Variants in RYR2 observed in about 807,000 individuals in gnomAD.
The protein encoded by RYR2 is cardiac muscle ryanodine receptor-calcium release channel.
In RYR2, 227 loss-of-function variants were observed where a neutral mutation model predicts 601.1. That is an observed-to-expected ratio of 0.38 (90% CI 0.34 to 0.42). RYR2 has a LOEUF of 0.42. RYR2 is among the 10% of genes least tolerant of loss of function. The pLI is 1.00. For missense variants in RYR2, 4,646 were observed against 6,156.5 expected (o/e 0.75, Z 8.21); for synonymous variants, 2,223 against 2,175.1 (o/e 1.02, Z -0.61).
Position 237,674,228 on chromosome 1 carries a change from A to G in RYR2, c.8714+9A>G, listed in dbSNP as rs541149328. The G allele has an allele frequency of 1.2e-6, 2 of 1,602,584 alleles. No individual in the cohort carries two copies. Among genetic ancestry groups the G allele is most frequent in the Non-Finnish European group, 1.7e-6 (2 of 1,170,136 alleles). ...GGATATGCTGTATCCAGGTAAAAGT[A>G]CACATACCCTAAGTACACACTCTTT... On this transcript the variant is annotated intron_variant, in intron 59 of 104. Coordinates refer to ENST00000366574, the MANE Select transcript of RYR2 (RefSeq NM_001035.3).
chr1:237,397,687 T>C (rs1007883539), intron 10 of RYR2, among the ~76,000 whole-genome samples: 1 of 152,038 alleles, frequency 6.6e-6, no homozygotes, highest in Non-Finnish European at 1.5e-5. Context: ...TTAACACTTG[T>C]ATGGCCTGGC....
At chr1:237,234,077 A>C (rs892072097) in intron 1 of RYR2, among the ~76,000 whole-genome samples, 3 of 152,208 alleles carry the variant, frequency 2.0e-5, no homozygotes, top group African/African-American at 7.2e-5. Flanking sequence ...AGACATATAC[A>C]TGAAATACTG....
Position 237,602,065 on chromosome 1 carries a change from A to G in RYR2, c.4637A>G (p.Gln1546Arg). 6.2e-7 allele frequency: 1 copy of G among 1,613,204 alleles called. No individual in the cohort carries two copies. The highest frequency in any genetic ancestry group is 2.2e-5 in the East Asian group (1 of 44,756). The change falls in exon 35 of 105, where the codon CAA becomes CGA. Residue 1546 changes from glutamine (Q) to arginine (R), a missense_variant. Physicochemically the swap from Gln to Arg is conservative, Grantham distance 43 (BLOSUM62 1). Coordinates refer to ENST00000366574, the MANE Select transcript of RYR2 (RefSeq NM_001035.3). ...AAATTATTTCCTGCGGTTTTTGCAC[A>G]AGCTACAAGTCCCAATGTTTTCCAG... ...STKLFPAVFA[Q>R]ATSPNVFQFE...
At chr1:237,696,928 A>T in intron 63 of RYR2, among the ~76,000 whole-genome samples, 1 of 152,074 alleles carries the variant, frequency 6.6e-6, no homozygotes, top group East Asian at 1.9e-4. Context: ...CTCTTCCAGA[A>T]TTTCCCACAT....
chr1:237,802,965 C>T (rs995872854), intron 98 of RYR2, among the ~76,000 whole-genome samples: 2 of 152,218 alleles, frequency 1.3e-5, no homozygotes, highest in Admixed American at 1.3e-4. Flanking sequence ...TATCCACCTG[C>T]AGTTTCATGG....
chr1:237,537,563 C>T (rs1010851742), intron 25 of RYR2, among the ~76,000 whole-genome samples: 2 of 152,184 alleles, frequency 1.3e-5, no homozygotes, highest in African/African-American at 4.8e-5. Context: ...GATCCGCCTG[C>T]CTTGGCCTCC....
intron 98 of RYR2, 85 bp from the exon 99 acceptor site, chr1:237,806,052 T>A: frequency 8.3e-7 from 1 of 1,203,280 alleles, no homozygotes. Flanking sequence ...TAACTTTCTG[T>A]TCCTGGCTTA....
At chr1:237,299,127 C>CTTTTTT (rs3086046) in intron 2 of RYR2, among the ~76,000 whole-genome samples, 31,050 of 144,840 alleles carry the variant, frequency 0.21, 3,837 homozygotes, top group South Asian at 0.31. Flanking sequence ...TTCCTAGAGT[C>CTTTTTT]TTTTTTTTTT....
intron 54 of RYR2, among the ~76,000 whole-genome samples, chr1:237,658,254 A>G (rs953950886): frequency 6.6e-6 from 1 of 152,180 alleles, no homozygotes; most frequent in South Asian, 2.1e-4. Context: ...CAAAAGATCT[A>G]TTCATTAAAT....
chr1:237,702,176 C>A (rs752132113), intron 66 of RYR2, 117 bp downstream of exon 66: 187 of 618,288 alleles, frequency 3.0e-4, no homozygotes, highest in Non-Finnish European at 6.3e-5. Flanking sequence ...ACCGGATTGA[C>A]CTTTGAAATT....
At chr1:237,497,036 A>G (rs1314808594) in intron 20 of RYR2, among the ~76,000 whole-genome samples, 1 of 152,236 alleles carries the variant, frequency 6.6e-6, no homozygotes, top group African/African-American at 2.4e-5. Flanking sequence ...CTTAGGAACA[A>G]TACTGTGTAT....
At chr1:237,553,994 T>C (rs1218300182) in intron 27 of RYR2, among the ~76,000 whole-genome samples, 1 of 151,996 alleles carries the variant, frequency 6.6e-6, no homozygotes, top group Non-Finnish European at 1.5e-5. Context: ...ACAATTGGTA[T>C]AGCTTTTTTG....
In RYR2 at chr1:237,333,493, TCCTGGAGGACC is replaced by T; in HGVS notation, c.273+2517_273+2527del. 1.2e-5 allele frequency: 5 copies of T among 402,480 alleles called. No homozygotes were observed. In the Admixed American group the frequency reaches 1.5e-4, roughly 12 times the overall value. 24.9% of individuals were successfully genotyped at this position (402,480 alleles called of 1,614,324 possible). A position where few individuals can be genotyped will look rare whatever the true frequency, so the allele number is the denominator to read the frequency against. On this transcript the variant is annotated intron_variant, in intron 3 of 104. Transcript: ENST00000366574. ...GAGGTAGCCCGAGCAACGGGGGGTGTCCTGGAGGACCCCTGGGGTGGTCAGGGTTAGGGAGC... is the reference window on the plus strand; with the variant it reads ...GAGGTAGCCCGAGCAACGGGGGGTGTCCTGGGGTGGTCAGGGTTAGGGAGC...
At position 237,572,204 on chromosome 1, in the gene RYR2, T is replaced by C. The variant is rs1439315765; in HGVS notation, c.3598+2885T>C. 3.3e-5 allele frequency among the ~76,000 whole-genome samples: 5 copies of C among 152,302 alleles called. No homozygotes were observed. The East Asian group carries it at 5.8e-4, about 18-fold the overall frequency. On this transcript the variant is annotated intron_variant, in intron 29 of 104. Coordinates refer to ENST00000366574, the MANE Select transcript of RYR2 (RefSeq NM_001035.3). ...GTGGGAAGGTAGGAGGAAGGCTTTT[T>C]ATTGGTGTTATCTATCTGTCTACAC...
In RYR2 at chr1:237,787,162, TCAC is replaced by T. The variant is rs1270218134; in HGVS notation, c.13329-825_13329-823del. Reference sequence around the variant, plus strand: ...GGAATTAATATATCATTACTATAATTCACTTTATTTTATTTAATAAAATTAATT... The same window carrying T: ...GGAATTAATATATCATTACTATAATTTTTATTTTATTTAATAAAATTAATT... On this transcript the variant is annotated intron_variant, in intron 91 of 104. Coordinates refer to ENST00000366574, the MANE Select transcript of RYR2 (RefSeq NM_001035.3). Among the ~76,000 whole-genome samples, 3 of 151,586 alleles carry T rather than the reference TCAC, an allele frequency of 2.0e-5. No homozygotes were observed. In the East Asian group the frequency reaches 5.8e-4, roughly 29 times the overall value.
chr1:237,068,485 CAT>C (rs1200466293), intron 1 of RYR2, among the ~76,000 whole-genome samples: 1 of 152,048 alleles, frequency 6.6e-6, no homozygotes, highest in Non-Finnish European at 1.5e-5. Flanking sequence ...CCAACGTGGC[CAT>C]TTGTGTAAAT....
intron 3 of RYR2, among the ~76,000 whole-genome samples, chr1:237,341,380 G>A (rs1053889866): frequency 6.6e-6 from 1 of 152,108 alleles, no homozygotes; most frequent in Non-Finnish European, 1.5e-5. Context: ...GTCTCATTCT[G>A]TCACCCAGGC....
At chr1:237,453,909 C>G (rs1221487148) in intron 14 of RYR2, among the ~76,000 whole-genome samples, 1 of 152,094 alleles carries the variant, frequency 6.6e-6, no homozygotes, top group Non-Finnish European at 1.5e-5. Flanking sequence ...GTTTCATAAG[C>G]AGATTTTCTA....
At chr1:237,082,327 A>G (rs2148404469) in intron 1 of RYR2, among the ~76,000 whole-genome samples, 1 of 151,994 alleles carries the variant, frequency 6.6e-6, no homozygotes, top group East Asian at 1.9e-4. Context: ...CTATTAAGAC[A>G]AAGTCCTTTT....
Sources: gnomAD v4.1 joint callset for allele counts (sites outside exome capture counted in the v4.1 genomes callset) on GRCh38, gnomAD v4.1.1 for gene constraint, MANE v1.5 for transcripts, NCBI Gene and HGNC (gene_info 2026-07-23, HGNC 2026-07-21) for gene names.